Variants in PTPRO observed in about 807,000 individuals in gnomAD.
PTPRO encodes the protein receptor-type tyrosine-protein phosphatase O.
A neutral mutation model predicts 145.2 loss-of-function variants in PTPRO; 62 were observed. The ratio of observed to expected loss-of-function variants is 0.43; its 90% CI spans 0.35 to 0.53. The LOEUF (loss-of-function observed/expected upper bound fraction) is 0.53. Among genes scored for constraint, PTPRO ranks in the 20% least tolerant of loss-of-function variants. PTPRO has a pLI of 0.01. For missense variants in PTPRO, 1,345 were observed against 1,482.7 expected (o/e 0.91, Z 1.53); for synonymous variants, 565 against 514.7 (o/e 1.10, Z -1.32).
chr12:15,478,070 T>C (rs1197880784), intron 1 of PTPRO, among the ~76,000 whole-genome samples: 1 of 152,090 alleles, frequency 6.6e-6, no homozygotes, highest in Non-Finnish European at 1.5e-5. Context: ...TCAATTCATT[T>C]TTCACACCCA....
chr12:15,415,584 CTCA>C (rs1263617831), intron 1 of PTPRO, among the ~76,000 whole-genome samples: 2 of 150,204 alleles, frequency 1.3e-5, no homozygotes, highest in African/African-American at 2.5e-5. Context: ...CGGGGTTTCA[CTCA>C]TGTTAGCCAG....
chr12:15,500,475 G>A (rs78333380), intron 4 of PTPRO, among the ~76,000 whole-genome samples: 1 of 152,176 alleles, frequency 6.6e-6, no homozygotes, highest in Non-Finnish European at 1.5e-5. Flanking sequence ...ACTGAGACAT[G>A]AAGACAAAGA....
intron 1 of PTPRO, among the ~76,000 whole-genome samples, chr12:15,476,319 T>C (rs1941652652): frequency 6.6e-6 from 1 of 152,172 alleles, no homozygotes; most frequent in Non-Finnish European, 1.5e-5. Context: ...GAAGGAGGGC[T>C]CTTTGTTTTG....
intron 1 of PTPRO, among the ~76,000 whole-genome samples, chr12:15,364,713 C>T (rs1415222636): frequency 6.6e-6 from 1 of 152,134 alleles, no homozygotes; most frequent in Non-Finnish European, 1.5e-5. Flanking sequence ...TGACACATGC[C>T]TGCCCCAAAA....
intron 1 of PTPRO, among the ~76,000 whole-genome samples, chr12:15,379,579 G>A (rs1938796663): frequency 6.7e-6 from 1 of 149,218 alleles, no homozygotes; most frequent in African/African-American, 2.5e-5. Context: ...AATATGATTT[G>A]GTATATATAA....
At chr12:15,551,499 T>G in intron 14 of PTPRO, 52 bp from the exon 15 acceptor site, 4 of 1,603,724 alleles carry the variant, frequency 2.5e-6, no homozygotes, top group Non-Finnish European at 3.4e-6. Flanking sequence ...ATGGTTCTGT[T>G]TGGTTCCCTG....
chr12:15,489,416 A>C (rs189740991), intron 2 of PTPRO, among the ~76,000 whole-genome samples: 2 of 152,324 alleles, frequency 1.3e-5, no homozygotes, highest in East Asian at 3.9e-4. Context: ...TATTGATTAC[A>C]TCCTTAACAA....
At chr12:15,421,876 T>C (rs1241024368) in intron 1 of PTPRO, among the ~76,000 whole-genome samples, 1 of 152,204 alleles carries the variant, frequency 6.6e-6, no homozygotes, top group African/African-American at 2.4e-5. Context: ...CTGCTTCAGT[T>C]CTTCATTTTT....
At chr12:15,415,530 A>G (rs182898613) in intron 1 of PTPRO, among the ~76,000 whole-genome samples, 28,452 of 151,372 alleles carry the variant, frequency 0.19, 3,351 homozygotes, top group Admixed American at 0.31. Flanking sequence ...GACTACAGGC[A>G]CCTGCCACCA....
chr12:15,384,086 A>G (rs1938947491), intron 1 of PTPRO, among the ~76,000 whole-genome samples: 1 of 152,102 alleles, frequency 6.6e-6, no homozygotes, highest in Non-Finnish European at 1.5e-5. Context: ...CTAAACACAA[A>G]AGATAGGAGA....
chr12:15,494,985 GA>G (rs1204868535), intron 2 of PTPRO, among the ~76,000 whole-genome samples: 1 of 151,952 alleles, frequency 6.6e-6, no homozygotes, highest in Non-Finnish European at 1.5e-5. Context: ...AGGCTGGGTT[GA>G]AAAAAAGAAC....
intron 5 of PTPRO, among the ~76,000 whole-genome samples, chr12:15,502,461 C>A (rs910596657): frequency 6.6e-6 from 1 of 152,132 alleles, no homozygotes; most frequent in Admixed American, 6.5e-5. Flanking sequence ...TTAAACATGG[C>A]AGCAAAGTAA....
At chr12:15,385,661 A>C (rs1049323848) in intron 1 of PTPRO, among the ~76,000 whole-genome samples, 16 of 151,876 alleles carry the variant, frequency 1.1e-4, no homozygotes, top group African/African-American at 3.9e-4. Flanking sequence ...AAAATACAAA[A>C]AGTAGTCAGC....
intron 18 of PTPRO, among the ~76,000 whole-genome samples, chr12:15,566,469 C>G: frequency 6.6e-6 from 1 of 152,042 alleles, no homozygotes; most frequent in East Asian, 1.9e-4. Context: ...TATATGAAAA[C>G]AGAATAATTT....
chr12:15,530,739 G>A (rs1008049625), intron 12 of PTPRO, among the ~76,000 whole-genome samples: 1 of 151,970 alleles, frequency 6.6e-6, no homozygotes, highest in Admixed American at 6.6e-5. Context: ...TAGTATGAGG[G>A]AATTTTATAG....
rs1460631197 is a variant in PTPRO, at chr12:15,562,964, T to G, written c.2712-2629T>G. ...GGTTTCTGCTTAGCTCATCAAAGAG[T>G]AAGCAGCACTTACAAAATTGGAGAC... is the stretch of plus-strand genomic sequence containing the variant. On this transcript the variant is annotated intron_variant, in intron 17 of 26. Coordinates refer to ENST00000281171, the MANE Select transcript of PTPRO (RefSeq NM_030667.3). Among the ~76,000 whole-genome samples, 5 of 152,090 alleles carry G rather than the reference T, an allele frequency of 3.3e-5. No individual in the cohort carries two copies. In the East Asian group the frequency reaches 9.6e-4, roughly 29 times the overall value.
At chr12:15,534,441 G>A (rs1237313258) in intron 12 of PTPRO, among the ~76,000 whole-genome samples, 2 of 152,126 alleles carry the variant, frequency 1.3e-5, no homozygotes, top group Non-Finnish European at 2.9e-5. Flanking sequence ...AGTACTTGTG[G>A]TAGTCGTGAT....
chr12:15,537,804 G>A (rs1360875845), intron 12 of PTPRO, among the ~76,000 whole-genome samples: 1 of 152,130 alleles, frequency 6.6e-6, no homozygotes, highest in Non-Finnish European at 1.5e-5. Context: ...CTTGACTGGA[G>A]CAGAGGAGAT....
intron 2 of PTPRO, among the ~76,000 whole-genome samples, chr12:15,494,545 T>C (rs1942062464): frequency 6.6e-6 from 1 of 152,356 alleles, no homozygotes; most frequent in East Asian, 1.9e-4. Flanking sequence ...AATTGAATAC[T>C]CCTCAGTGAT....
Sources: gnomAD v4.1 joint callset for allele counts (sites outside exome capture counted in the v4.1 genomes callset) on GRCh38, gnomAD v4.1.1 for gene constraint, MANE v1.5 for transcripts, NCBI Gene and HGNC (gene_info 2026-07-23, HGNC 2026-07-21) for gene names.